Variants in DYNC1I2 observed in about 807,000 individuals in gnomAD.
The protein encoded by DYNC1I2 is dynein cytoplasmic 1 intermediate chain 2.
DYNC1I2 carries 53 observed loss-of-function variants against 88.6 expected under a neutral mutation model. The observed-to-expected ratio is 0.60, with a 90% confidence interval of 0.48 to 0.75. The LOEUF (loss-of-function observed/expected upper bound fraction) is 0.75, where lower values mean the gene tolerates loss of function less well. Ranked by LOEUF, DYNC1I2 falls within the 30% of genes least tolerant of loss-of-function variation. DYNC1I2 has a pLI of 0.00. For missense variants in DYNC1I2, 458 were observed against 766.6 expected (o/e 0.60, Z 4.75); for synonymous variants, 198 against 254.6 (o/e 0.78, Z 2.12).
intron 7 of DYNC1I2, among the ~76,000 whole-genome samples, chr2:171,717,959 C>CTTT (rs575201805): frequency 2.9e-5 from 4 of 136,756 alleles, no homozygotes; most frequent in African/African-American, 5.3e-5. Flanking sequence ...TGAAGACTTT[C>CTTT]TTTTTTTTTT....
Position 171,732,086 on chromosome 2 carries a change from G to A in DYNC1I2, c.1536+2233G>A, listed in dbSNP as rs115433972. Among the ~76,000 whole-genome samples the A allele has an allele frequency of 4.8e-3, 734 of 152,232 alleles. 8 individuals carry two copies. Among genetic ancestry groups the A allele is most frequent in the Non-Finnish European group, 4.9e-3 (336 of 68,026 alleles). ...TTATGATTCTTTCTCAAATGTGACC[G>A]GGCAGGGTGGCTTACGCCTGTAATC... On this transcript the variant is annotated intron_variant, in intron 15 of 17. Coordinates refer to ENST00000397119, the MANE Select transcript of DYNC1I2 (RefSeq NM_001378.3).
chr2:171,695,709 GGGGT>G (rs1487664250), intron 3 of DYNC1I2, among the ~76,000 whole-genome samples: 1 of 152,040 alleles, frequency 6.6e-6, no homozygotes, highest in Non-Finnish European at 1.5e-5. Context: ...TACTTTCTCT[GGGGT>G]GTATCCCCAA....
intron 2 of DYNC1I2, among the ~76,000 whole-genome samples, chr2:171,691,723 A>C (rs1053040312): frequency 6.6e-6 from 1 of 152,174 alleles, no homozygotes; most frequent in African/African-American, 2.4e-5. Context: ...GCTGAGAGCA[A>C]ATTTCATTTT....
At chr2:171,709,755 T>C (rs1490647478) in intron 5 of DYNC1I2, among the ~76,000 whole-genome samples, 2 of 152,220 alleles carry the variant, frequency 1.3e-5, no homozygotes, top group African/African-American at 4.8e-5. Context: ...TTCCTTCTTG[T>C]TGCCCAGGCT....
chr2:171,728,172 A>G, intron 12 of DYNC1I2, 133 bp from the exon 13 acceptor site: 1 of 732,570 alleles, frequency 1.4e-6, no homozygotes, highest in Non-Finnish European at 2.1e-6. Flanking sequence ...CATTTTGTTA[A>G]TAGCAAACTT....
chr2:171,690,376 G>T, intron 2 of DYNC1I2, 113 bp downstream of exon 2: 1 of 715,192 alleles, frequency 1.4e-6, no homozygotes, highest in Non-Finnish European at 2.2e-6. Context: ...TAAAAGTAAT[G>T]GCAAAAATTA....
intron 10 of DYNC1I2, 148 bp downstream of exon 10, chr2:171,726,441 AT>A: frequency 1.6e-6 from 1 of 619,980 alleles, no homozygotes; most frequent in Non-Finnish European, 2.7e-6. Flanking sequence ...TAACATACTC[AT>A]CTTATGTACT....
intron 7 of DYNC1I2, among the ~76,000 whole-genome samples, chr2:171,723,930 G>A (rs1227158205): frequency 7.2e-5 from 11 of 152,148 alleles, no homozygotes; most frequent in Admixed American, 5.9e-4. Flanking sequence ...CTGCGTTGAC[G>A]GAGAAAGGGC....
In DYNC1I2 at chr2:171,749,796, A is replaced by C. The variant is rs1303165053; in HGVS notation, c.*1907A>C. Among the ~76,000 whole-genome samples the C allele has an allele frequency of 6.6e-6, 1 of 152,164 alleles. No homozygotes were observed. The highest frequency in any genetic ancestry group is 1.5e-5 in the Non-Finnish European group (1 of 67,998). ...TAGTCCATATTTTTAGGAACACACA[A>C]ATTTACTTTAAGGAATTACCTTTAA... On this transcript the variant is annotated 3_prime_UTR_variant, in exon 18 of 18. Transcript: ENST00000397119.
chr2:171,695,203 G>T (rs575956920), intron 3 of DYNC1I2, among the ~76,000 whole-genome samples: 5 of 151,836 alleles, frequency 3.3e-5, no homozygotes, highest in Admixed American at 1.3e-4. Flanking sequence ...GAGTTTAAGC[G>T]ATTCTCCTGC....
intron 14 of DYNC1I2, 126 bp downstream of exon 14, chr2:171,728,976 C>A: frequency 9.5e-7 from 1 of 1,056,742 alleles, no homozygotes; most frequent in Non-Finnish European, 1.3e-6. Context: ...TTTTTGTGTT[C>A]AGGCACATAA....
chr2:171,725,698 GA>G lies in DYNC1I2; in HGVS notation c.596del (p.Asn199MetfsTer10). On this transcript the variant is annotated frameshift_variant, in exon 8 of 18. Coordinates refer to ENST00000397119, the MANE Select transcript of DYNC1I2 (RefSeq NM_001378.3). LOFTEE classifies it high-confidence loss of function. ...EEEKTLKKDE[E>X]NDSKAPPHEL... The stretch of plus-strand genomic sequence containing the variant: ...AGAGAAAACTTTAAAGAAAGATGAG[GA>G]AAATGATAGTAAAGGTATCTTAAGG... 1.9e-6 allele frequency: 3 copies of G among 1,569,764 alleles called. No homozygotes were observed. Among genetic ancestry groups the G allele is most frequent in the Admixed American group, 1.9e-5 (1 of 51,972 alleles).
chr2:171,710,315 G>A (rs1490576262), intron 5 of DYNC1I2, among the ~76,000 whole-genome samples: 3 of 152,056 alleles, frequency 2.0e-5, no homozygotes, highest in East Asian at 1.9e-4. Flanking sequence ...GAAACCTAAT[G>A]AACTCATATT....
chr2:171,718,803 A>G (rs1454341781), intron 7 of DYNC1I2, among the ~76,000 whole-genome samples: 1 of 152,214 alleles, frequency 6.6e-6, no homozygotes, highest in East Asian at 1.9e-4. Context: ...CTTATCAGGC[A>G]TAGTGTGAGA....
At position 171,689,005 on chromosome 2, in the gene DYNC1I2, T is replaced by G. The variant is rs1352094881; in HGVS notation, c.-9-1142T>G. On this transcript the variant is annotated intron_variant, in intron 1 of 17. Transcript: ENST00000397119. The stretch of plus-strand genomic sequence containing the variant: ...GCCTTATGCTCAGCTGCTAGGCTAC[T>G]TAAAAAAAAAAAATCCTAATTCATT... Among the ~76,000 whole-genome samples the G allele has an allele frequency of 2.0e-5, 3 of 151,746 alleles. No individual in the cohort carries two copies. The East Asian group carries it at 5.8e-4, about 29-fold the overall frequency.
chr2:171,729,868 G>C lies in DYNC1I2; in HGVS notation c.1536+15G>C. On this transcript the variant is annotated intron_variant, in intron 15 of 17. Transcript: ENST00000397119. ...GGACAACTAAGGTATCTAAAATATA[G>C]ATGTCTGCTATTTGCTCAGGTTTCT... The C allele has an allele frequency of 6.2e-7, 1 of 1,613,094 alleles. No individual in the cohort carries two copies. Among genetic ancestry groups the C allele is most frequent in the Non-Finnish European group, 8.5e-7 (1 of 1,179,392 alleles).
chr2:171,747,980 T>G lies in DYNC1I2; in HGVS notation c.*91T>G. 1.1e-6 allele frequency: 1 copy of G among 892,500 alleles called. No individual in the cohort carries two copies. Among genetic ancestry groups the G allele is most frequent in the Non-Finnish European group, 1.7e-6 (1 of 603,464 alleles). The allele number at this position is 892,500 out of a possible 1,614,324, so 55.3% of individuals were successfully genotyped here. A position where few individuals can be genotyped will look rare whatever the true frequency, so the allele number is the denominator to read the frequency against. On this transcript the variant is annotated 3_prime_UTR_variant, in exon 18 of 18. Coordinates refer to ENST00000397119, the MANE Select transcript of DYNC1I2 (RefSeq NM_001378.3). ...TGCATGCTTCTGTCTAAATGATAAT[T>G]AAAAGGAAATTTCATGGATTAAACC...
intron 3 of DYNC1I2, among the ~76,000 whole-genome samples, chr2:171,699,904 C>T (rs1686112626): frequency 6.6e-6 from 1 of 151,940 alleles, no homozygotes; most frequent in African/African-American, 2.4e-5. Flanking sequence ...GCCTCCCTAA[C>T]TGCTCAAGTT....
intron 17 of DYNC1I2, 28 bp from the exon 18 acceptor site, chr2:171,747,748 A>G: frequency 6.2e-6 from 9 of 1,462,864 alleles, no homozygotes; most frequent in Non-Finnish European, 8.6e-6. Context: ...ATTTCATTGT[A>G]TATAAAACAT....
Sources: gnomAD v4.1 joint callset for allele counts (sites outside exome capture counted in the v4.1 genomes callset) on GRCh38, gnomAD v4.1.1 for gene constraint, MANE v1.5 for transcripts, NCBI Gene and HGNC (gene_info 2026-07-23, HGNC 2026-07-21) for gene names.